Variants in THSD7B observed in about 807,000 individuals in gnomAD.
THSD7B encodes thrombospondin type 1 domain containing 7B, also known as thrombospondin type-1 domain-containing protein 7B.
In THSD7B, 138 loss-of-function variants were observed where a neutral mutation model predicts 213.6. The observed-to-expected ratio is 0.65, with a 90% CI of 0.56 to 0.74. THSD7B has a LOEUF of 0.74. Ranked by LOEUF, THSD7B falls within the 30% of genes least tolerant of loss-of-function variation. THSD7B has a pLI of 0.00. For missense variants in THSD7B, 1,931 were observed against 1,991.5 expected (o/e 0.97, Z 0.58); for synonymous variants, 742 against 687.0 (o/e 1.08, Z -1.25).
At chr2:137,018,662 GTATT>G (rs1319015950) in intron 2 of THSD7B, among the ~76,000 whole-genome samples, 14 of 152,070 alleles carry the variant, frequency 9.2e-5, no homozygotes, top group African/African-American at 3.4e-4. Context: ...AAATAAAATA[GTATT>G]TATTATTGTA....
rs530589813 is a variant in THSD7B at position 137,454,375 on chromosome 2, C to A, written c.3138+3352C>A. ...AAAAATCCTAAATTTAAAAGAAATT[C>A]TCTTCAGAGCCATTCTATCTGTCTG... is the stretch of plus-strand genomic sequence containing the variant. On this transcript the variant is annotated intron_variant, in intron 15 of 27. Transcript: ENST00000409968. Among the ~76,000 whole-genome samples the A allele has an allele frequency of 4.7e-5, 7 of 150,018 alleles. No homozygotes were observed. In the South Asian group the frequency reaches 1.5e-3, roughly 32 times the overall value.
chr2:136,900,757 C>T (rs1354825772), intron 2 of THSD7B, among the ~76,000 whole-genome samples: 4 of 152,258 alleles, frequency 2.6e-5, no homozygotes, highest in African/African-American at 9.6e-5. Flanking sequence ...TCAAAACTTA[C>T]ATTTCAAGAG....
intron 2 of THSD7B, among the ~76,000 whole-genome samples, chr2:136,983,072 TAAA>T (rs1232633954): frequency 1.4e-5 from 2 of 139,860 alleles, no homozygotes; most frequent in Non-Finnish European, 3.1e-5. Flanking sequence ...TGGATCAGTT[TAAA>T]ATTAAAAAAA....
intron 15 of THSD7B, among the ~76,000 whole-genome samples, chr2:137,521,561 A>C (rs1680184972): frequency 6.6e-6 from 1 of 152,078 alleles, no homozygotes; most frequent in Admixed American, 6.5e-5. Context: ...CCATTAGTTC[A>C]TCTCTCACTG....
rs574982867 is a variant in THSD7B at position 137,639,225 on chromosome 2, C to T, written c.3800-3263C>T. ...GTGCCCTGTGTCCCAGCTGCTCCAG[C>T]TGTGGCTGAAAGGGGCCAACATGAA... On this transcript the variant is annotated intron_variant, in intron 20 of 27. Transcript: ENST00000409968. 2.0e-5 allele frequency among the ~76,000 whole-genome samples: 3 copies of T among 152,304 alleles called. No homozygotes were observed. The East Asian group carries it at 5.8e-4, about 29-fold the overall frequency.
At chr2:137,054,018 C>T (rs1687115209) in intron 2 of THSD7B, among the ~76,000 whole-genome samples, 1 of 152,148 alleles carries the variant, frequency 6.6e-6, no homozygotes, top group African/African-American at 2.4e-5. Flanking sequence ...AACACTTAAA[C>T]TGAAACTTCT....
chr2:137,401,924 TA>T (rs1362575535), intron 12 of THSD7B, among the ~76,000 whole-genome samples: 1 of 152,220 alleles, frequency 6.6e-6, no homozygotes, highest in African/African-American at 2.4e-5. Flanking sequence ...CTTACAAATC[TA>T]GCACCAAATC....
At chr2:137,228,398 A>C (rs72971581) in intron 7 of THSD7B, among the ~76,000 whole-genome samples, 1,928 of 152,278 alleles carry the variant, frequency 0.013, 44 homozygotes, top group African/African-American at 0.042. Flanking sequence ...GTGAATACTG[A>C]CAACAATGAA....
chr2:137,233,666 G>C (rs1417540994), intron 9 of THSD7B, among the ~76,000 whole-genome samples: 1 of 152,274 alleles, frequency 6.6e-6, no homozygotes, highest in South Asian at 2.1e-4. Context: ...ACTTTTTAAA[G>C]AGAGTAGCAA....
intron 2 of THSD7B, among the ~76,000 whole-genome samples, chr2:137,001,376 A>T (rs752727859): frequency 6.6e-6 from 1 of 152,168 alleles, no homozygotes; most frequent in Non-Finnish European, 1.5e-5. Context: ...GCACTAAATG[A>T]TATTGTGCCT....
chr2:136,853,406 G>T (rs1338180728), intron 1 of THSD7B, among the ~76,000 whole-genome samples: 1 of 151,858 alleles, frequency 6.6e-6, no homozygotes, highest in Non-Finnish European at 1.5e-5. Context: ...CCTTAATGTG[G>T]GTCTGTCTGG....
chr2:137,150,429 T>A (rs943891067), intron 5 of THSD7B, among the ~76,000 whole-genome samples: 1 of 152,094 alleles, frequency 6.6e-6, no homozygotes, highest in Non-Finnish European at 1.5e-5. Context: ...TGAGGGTGGT[T>A]ACCTCCATGC....
At chr2:137,556,807 C>A (rs1417749268) in intron 15 of THSD7B, among the ~76,000 whole-genome samples, 1 of 152,104 alleles carries the variant, frequency 6.6e-6, no homozygotes, top group African/African-American at 2.4e-5. Context: ...ATCTCACTTG[C>A]AGAGACACAC....
intron 2 of THSD7B, among the ~76,000 whole-genome samples, chr2:137,011,727 A>G (rs1326472971): frequency 1.3e-5 from 2 of 152,146 alleles, no homozygotes; most frequent in South Asian, 2.1e-4. Context: ...TCTGAATCTC[A>G]TCCATCCTTC....
intron 9 of THSD7B, among the ~76,000 whole-genome samples, chr2:137,241,412 A>G (rs1235682806): frequency 1.3e-5 from 2 of 152,230 alleles, no homozygotes; most frequent in African/African-American, 2.4e-5. Context: ...CTCTCTTGCT[A>G]TTTGCTGAGA....
chr2:137,290,391 A>G (rs1419886554), intron 12 of THSD7B, among the ~76,000 whole-genome samples: 2 of 152,064 alleles, frequency 1.3e-5, no homozygotes, highest in African/African-American at 4.8e-5. Context: ...GCCCAGCCCA[A>G]AGAGTTTTCT....
chr2:137,516,426 G>A (rs1213950407), intron 15 of THSD7B, among the ~76,000 whole-genome samples: 2 of 152,182 alleles, frequency 1.3e-5, no homozygotes, highest in African/African-American at 4.8e-5. Context: ...TACACTGTTA[G>A]TCTTTCTCTC....
At chr2:137,152,812 G>T (rs1679843778) in intron 5 of THSD7B, among the ~76,000 whole-genome samples, 1 of 152,108 alleles carries the variant, frequency 6.6e-6, no homozygotes, top group African/African-American at 2.4e-5. Flanking sequence ...CCCTCACATT[G>T]CATATTTCTG....
At chr2:137,584,044 G>A (rs1681652311) in intron 17 of THSD7B, among the ~76,000 whole-genome samples, 1 of 152,040 alleles carries the variant, frequency 6.6e-6, no homozygotes, top group Non-Finnish European at 1.5e-5. Flanking sequence ...TCCTTGAAGA[G>A]GTCCTTCACA....
Sources: allele counts gnomAD v4.1 joint callset (sites outside exome capture counted in the v4.1 genomes callset), GRCh38; gene constraint gnomAD v4.1.1; transcripts MANE v1.5; gene names NCBI Gene and HGNC (gene_info 2026-07-23, HGNC 2026-07-21).